EPRS1: variants seen among roughly 807,000 people sequenced by gnomAD.
EPRS1 encodes the protein glutamyl-prolyl-tRNA synthetase 1, also known as bifunctional glutamate/proline--tRNA ligase.
Under a neutral mutation model 188.3 loss-of-function variants are expected in EPRS1, and 107 were observed. That is an observed-to-expected ratio of 0.57 (90% CI 0.49 to 0.67). The LOEUF is 0.67. Ranked by LOEUF, EPRS1 falls within the 30% of genes least tolerant of loss-of-function variation. The pLI is 0.00. For missense variants in EPRS1, 1,577 were observed against 1,802.2 expected (o/e 0.88, Z 2.26); for synonymous variants, 596 against 593.1 (o/e 1.00, Z -0.07).
intron 18 of EPRS1, among the ~76,000 whole-genome samples, chr1:219,996,380 G>A (rs1371312378): frequency 6.6e-6 from 1 of 152,104 alleles, no homozygotes; most frequent in Non-Finnish European, 1.5e-5. Flanking sequence ...TACCTCTGCT[G>A]GTACTGTCCT....
chr1:219,999,760 G>C (rs1227816807), intron 17 of EPRS1, among the ~76,000 whole-genome samples: 1 of 152,102 alleles, frequency 6.6e-6, no homozygotes, highest in African/African-American at 2.4e-5. Context: ...GATCACCTGA[G>C]GTAAGGAGTT....
chr1:219,980,899 T>C (rs1244805658), intron 24 of EPRS1, 42 bp from the exon 25 acceptor site: 10 of 1,354,270 alleles, frequency 7.4e-6, no homozygotes, highest in Non-Finnish European at 9.0e-6. Context: ...ATAAAGAGCT[T>C]TTCAATTTTT....
chr1:220,011,569 T>C (rs1661605120), intron 12 of EPRS1, among the ~76,000 whole-genome samples: 1 of 152,234 alleles, frequency 6.6e-6, no homozygotes, highest in African/African-American at 2.4e-5. Context: ...AGATTAAAAG[T>C]ATAAATGACA....
chr1:220,043,792 A>G (rs1221986415), intron 1 of EPRS1, among the ~76,000 whole-genome samples: 1 of 152,226 alleles, frequency 6.6e-6, no homozygotes, highest in Non-Finnish European at 1.5e-5. Context: ...GGTCAAAGCT[A>G]TGAAAGCCAA....
At chr1:219,998,780 A>G (rs1166388858) in intron 17 of EPRS1, among the ~76,000 whole-genome samples, 1 of 151,900 alleles carries the variant, frequency 6.6e-6, no homozygotes, top group Admixed American at 6.6e-5. Context: ...TGGCCTCGTG[A>G]TCTGTCCACC....
At chr1:220,005,060 C>T (rs78757900) in intron 16 of EPRS1, among the ~76,000 whole-genome samples, 188 bp downstream of exon 16, 2,322 of 152,140 alleles carry the variant, frequency 0.015, 49 homozygotes, top group African/African-American at 0.046. Context: ...GTTCAATGTG[C>T]GTGTTGTTTC....
intron 2 of EPRS1, among the ~76,000 whole-genome samples, chr1:220,039,396 A>T (rs1034747374): frequency 6.0e-4 from 91 of 152,292 alleles, no homozygotes; most frequent in African/African-American, 2.0e-3. Context: ...CTACATGGGG[A>T]ATCAGTTTGC....
intron 4 of EPRS1, 75 bp downstream of exon 4, chr1:220,033,427 A>C: frequency 8.9e-7 from 1 of 1,121,792 alleles, no homozygotes; most frequent in South Asian, 1.5e-5. Flanking sequence ...ATGCATACAC[A>C]CAGAAATATA....
intron 2 of EPRS1, among the ~76,000 whole-genome samples, chr1:220,037,132 G>A (rs532831070): frequency 6.6e-6 from 1 of 152,082 alleles, no homozygotes; most frequent in South Asian, 2.1e-4. Context: ...GTTGGATGCT[G>A]TAGTGTGCTA....
rs1414519500 is a variant in EPRS1 at position 220,006,112 on chromosome 1, G to A, written c.1944C>T (p.Asn648=). 10 of 1,564,092 alleles carry A rather than the reference G, an allele frequency of 6.4e-6. No homozygotes were observed. Among genetic ancestry groups the A allele is most frequent in the Non-Finnish European group, 7.8e-6 (9 of 1,149,880 alleles). The change falls in exon 15 of 32, where the codon AAC becomes AAT. Residue 648 remains asparagine (N), a synonymous_variant. Coordinates refer to ENST00000366923, the MANE Select transcript of EPRS1 (RefSeq NM_004446.3). ...GGTTTCTTTGGAAGGTTACCTTACT[G>A]TTCTTGTTGACATACTGCTTAAAGT... ...DEDFKQYVNK[N]SKHEELMLGD... is the part of the protein sequence containing the mutation.
intron 18 of EPRS1, among the ~76,000 whole-genome samples, chr1:219,993,350 T>C (rs915797914): frequency 5.9e-5 from 9 of 152,240 alleles, no homozygotes; most frequent in Non-Finnish European, 1.3e-4. Context: ...ATCCATTATT[T>C]TATGCAGCAA....
intron 3 of EPRS1, among the ~76,000 whole-genome samples, chr1:220,034,605 T>C (rs1404929986): frequency 6.6e-6 from 1 of 152,210 alleles, no homozygotes; most frequent in Non-Finnish European, 1.5e-5. Context: ...GTAAGAAAGT[T>C]GGATGAGATG....
intron 16 of EPRS1, among the ~76,000 whole-genome samples, chr1:220,001,946 T>C (rs1661360779): frequency 6.6e-6 from 1 of 151,640 alleles, no homozygotes; most frequent in African/African-American, 2.4e-5. Context: ...GGAGAATCAC[T>C]TGAACCTGGG....
rs1024387848 is a variant in EPRS1 at position 219,973,482 on chromosome 1, T to C, written c.4084-84A>G. On this transcript the variant is annotated intron_variant, in intron 28 of 31. Transcript: ENST00000366923. Reference sequence around the variant, plus strand: ...ATGTAATTCATGGCTTTAGCTACCATAAATTATAAAAAACCCAAAAAACAA... The same window carrying C: ...ATGTAATTCATGGCTTTAGCTACCACAAATTATAAAAAACCCAAAAAACAA... 9 of 904,978 alleles carry C rather than the reference T, an allele frequency of 9.9e-6. No homozygotes were observed. The Admixed American group carries it at 2.0e-4, about 20-fold the overall frequency. 56.1% of individuals were successfully genotyped at this position (904,978 alleles called of 1,614,324 possible).
chr1:219,987,571 G>A (rs1468307753), intron 19 of EPRS1, among the ~76,000 whole-genome samples, 167 bp from the exon 20 acceptor site: 1 of 151,990 alleles, frequency 6.6e-6, no homozygotes, highest in Non-Finnish European at 1.5e-5. Flanking sequence ...TCTCACATAT[G>A]AGTGTGAAAA....
intron 27 of EPRS1, 102 bp downstream of exon 27, chr1:219,979,316 A>G (rs1416945648): frequency 1.2e-6 from 1 of 828,686 alleles, no homozygotes; most frequent in African/African-American, 1.7e-5. Context: ...TATCAGAGAA[A>G]TCTGCCTGAA....
chr1:220,040,205 C>T lies in EPRS1; in HGVS notation c.111G>A (p.Glu37=). The change falls in exon 2 of 32, where the codon GAG becomes GAA. Residue 37 remains glutamate (E), a synonymous_variant. Coordinates refer to ENST00000366923, the MANE Select transcript of EPRS1 (RefSeq NM_004446.3). ...DVSISVEEGK[E]NILHVSENVI... ...CTTACTCAGAAACATGAAGAATATT[C>T]TCTTTCCCTTCTTCAACGGAAATGC... The T allele has an allele frequency of 6.2e-7, 1 of 1,603,234 alleles. No homozygotes were observed. Among genetic ancestry groups the T allele is most frequent in the Non-Finnish European group, 8.5e-7 (1 of 1,170,692 alleles).
intron 18 of EPRS1, among the ~76,000 whole-genome samples, chr1:219,994,504 T>C (rs1661188080): frequency 6.6e-6 from 1 of 151,294 alleles, no homozygotes; most frequent in Non-Finnish European, 1.5e-5. Flanking sequence ...AATGCAAAAA[T>C]AATAATTTTA....
At chr1:219,998,547 A>ATTTTT (rs10638364) in intron 17 of EPRS1, among the ~76,000 whole-genome samples, 3,132 of 142,940 alleles carry the variant, frequency 0.022, 87 homozygotes, top group East Asian at 0.066. Flanking sequence ...GTTCAGCTAC[A>ATTTTT]TTTTTTTTTT....
Sources: gnomAD v4.1 joint callset for allele counts (sites outside exome capture counted in the v4.1 genomes callset) on GRCh38, gnomAD v4.1.1 for gene constraint, MANE v1.5 for transcripts, NCBI Gene and HGNC (gene_info 2026-07-23, HGNC 2026-07-21) for gene names.